The following FMN1 variants were observed in gnomAD, a reference collection of about 807,000 sequenced individuals.
FMN1 encodes formin-1.
Under a neutral mutation model 132.4 loss-of-function variants are expected in FMN1, and 110 were observed. That is an observed-to-expected ratio of 0.83 (90% CI 0.71 to 0.97). FMN1 has a LOEUF of 0.97. FMN1 is among the 50% of genes least tolerant of loss of function. The pLI is 0.00. For synonymous variants in FMN1, 722 were observed against 651.7 expected, an observed-to-expected ratio of 1.11 and a Z score of -1.64; for missense variants, 1,792 against 1,705.3, an observed-to-expected ratio of 1.05 and a Z score of -0.90.
chr15:33,017,026 T>C (rs1448629058), intron 6 of FMN1, among the ~76,000 whole-genome samples: 2 of 152,282 alleles, frequency 1.3e-5, no homozygotes, highest in Middle Eastern at 3.4e-3. Context: ...TGCAAACACA[T>C]AATGCATCTG....
Position 32,786,548 on chromosome 15 carries a change from C to T in FMN1, c.4131-9629G>A, listed in dbSNP as rs1236797112. On this transcript the variant is annotated intron_variant, in intron 19 of 20. Coordinates refer to ENST00000616417, the MANE Select transcript of FMN1 (RefSeq NM_001277313.2). ...AAGGAGTGAATATTCACTCCTTTGC[C>T]ATGATCTCCTTGCAGCTTTGAACTA... Among the ~76,000 whole-genome samples the T allele has an allele frequency of 2.6e-5, 4 of 152,132 alleles. No individual in the cohort carries two copies. In the East Asian group the frequency reaches 7.7e-4, roughly 29 times the overall value.
intron 7 of FMN1, among the ~76,000 whole-genome samples, chr15:33,004,587 G>A (rs542039958): frequency 4.7e-4 from 71 of 152,146 alleles, no homozygotes; most frequent in African/African-American, 1.6e-3. Context: ...TACACTGTTG[G>A]TGGGACTGTA....
At chr15:32,905,439 A>G (rs2141626099) in intron 12 of FMN1, among the ~76,000 whole-genome samples, 1 of 152,326 alleles carries the variant, frequency 6.6e-6, no homozygotes, top group South Asian at 2.1e-4. Context: ...GACTGTGTAT[A>G]GTGTTCTCAC....
In FMN1 at chr15:32,845,737, C is replaced by T. The variant is rs191798828; in HGVS notation, c.3928+11278G>A. On this transcript the variant is annotated intron_variant, in intron 17 of 20. Coordinates refer to ENST00000616417, the MANE Select transcript of FMN1 (RefSeq NM_001277313.2). ...CAAGTATAGCATGCTCCCCAATCAC[C>T]CCCCAACACACACACCAGAACTAAC... is the stretch of plus-strand genomic sequence containing the variant. Among the ~76,000 whole-genome samples the T allele has an allele frequency of 1.1e-3, 173 of 152,190 alleles. 1 individual carries two copies. Among genetic ancestry groups the T allele is most frequent in the South Asian group, 1.2e-3 (6 of 4,814 alleles).
intron 7 of FMN1, among the ~76,000 whole-genome samples, chr15:33,004,980 C>A (rs894732923): frequency 1.3e-5 from 2 of 151,934 alleles, no homozygotes; most frequent in African/African-American, 2.4e-5. Context: ...ATAGGTGGGA[C>A]TTGAACAATG....
intron 2 of FMN1, among the ~76,000 whole-genome samples, chr15:33,188,443 T>C (rs1470935756): frequency 6.6e-6 from 1 of 152,198 alleles, no homozygotes; most frequent in Non-Finnish European, 1.5e-5. Context: ...TTTCTATACA[T>C]AGTCTTAGAC....
At chr15:33,120,781 G>C (rs907404535) in intron 4 of FMN1, among the ~76,000 whole-genome samples, 1 of 151,804 alleles carries the variant, frequency 6.6e-6, no homozygotes, top group African/African-American at 2.4e-5. Flanking sequence ...TGCACATTTG[G>C]TTTTTTTAAT....
chr15:33,113,361 T>C (rs1031256208), intron 4 of FMN1, among the ~76,000 whole-genome samples: 5 of 152,180 alleles, frequency 3.3e-5, no homozygotes, highest in African/African-American at 9.6e-5. Flanking sequence ...TTTTAAACTA[T>C]ATAAGCTTAT....
intron 19 of FMN1, among the ~76,000 whole-genome samples, chr15:32,779,059 T>A (rs576747817): frequency 6.6e-6 from 1 of 152,228 alleles, no homozygotes; most frequent in East Asian, 1.9e-4. Flanking sequence ...AAGAAGCCAA[T>A]CACAAAAACA....
At chr15:33,120,756 C>CAAT (rs1329976126) in intron 4 of FMN1, among the ~76,000 whole-genome samples, 1 of 152,040 alleles carries the variant, frequency 6.6e-6, no homozygotes, top group African/African-American at 2.4e-5. Context: ...TTTATTCTAC[C>CAAT]TATTACCCTT....
intron 6 of FMN1, among the ~76,000 whole-genome samples, chr15:33,022,104 T>C (rs1480692763): frequency 6.6e-6 from 1 of 152,234 alleles, no homozygotes; most frequent in Non-Finnish European, 1.5e-5. Flanking sequence ...GTATAACCTA[T>C]GCATATCCTA....
intron 7 of FMN1, among the ~76,000 whole-genome samples, chr15:32,985,641 G>C (rs920094551): frequency 9.2e-5 from 14 of 152,128 alleles, no homozygotes; most frequent in African/African-American, 3.1e-4. Context: ...TCCTCAGCCA[G>C]GTCACAGCTG....
chr15:33,093,520 G>A (rs779425655), intron 4 of FMN1, among the ~76,000 whole-genome samples: 1 of 152,166 alleles, frequency 6.6e-6, no homozygotes, highest in Non-Finnish European at 1.5e-5. Context: ...CTCATGGCTG[G>A]TATCTGTCAA....
chr15:33,002,309 C>T (rs1409498425), intron 7 of FMN1, among the ~76,000 whole-genome samples: 2 of 152,106 alleles, frequency 1.3e-5, no homozygotes, highest in Non-Finnish European at 2.9e-5. Context: ...ATGATAGCTG[C>T]CAATGGAAAT....
At chr15:33,110,637 C>T (rs1566924335) in intron 4 of FMN1, among the ~76,000 whole-genome samples, 1 of 151,538 alleles carries the variant, frequency 6.6e-6, no homozygotes, top group African/African-American at 2.4e-5. Context: ...CACATTGACG[C>T]TTCTTTTTCT....
At chr15:33,145,367 C>T (rs1964174927) in intron 4 of FMN1, among the ~76,000 whole-genome samples, 1 of 151,846 alleles carries the variant, frequency 6.6e-6, no homozygotes, top group Non-Finnish European at 1.5e-5. Context: ...CCCTTTCACA[C>T]CGTGCTTCCA....
chr15:33,038,136 G>C (rs2036269113), intron 6 of FMN1, among the ~76,000 whole-genome samples: 1 of 152,238 alleles, frequency 6.6e-6, no homozygotes, highest in African/African-American at 2.4e-5. Context: ...GCTGAGGCAG[G>C]AGAATCGCTT....
At chr15:32,829,794 C>A (rs1567234500) in intron 17 of FMN1, among the ~76,000 whole-genome samples, 1 of 152,056 alleles carries the variant, frequency 6.6e-6, no homozygotes, top group Admixed American at 6.5e-5. Context: ...ATTTTGTTAC[C>A]AGCATATATA....
chr15:33,076,453 T>TC (rs1251507246), intron 5 of FMN1, among the ~76,000 whole-genome samples: 1 of 152,148 alleles, frequency 6.6e-6, no homozygotes, highest in Non-Finnish European at 1.5e-5. Flanking sequence ...TAGTTCGAAC[T>TC]CCAAAGATCC....
Sources: gnomAD v4.1 joint callset for allele counts (sites outside exome capture counted in the v4.1 genomes callset) on GRCh38, gnomAD v4.1.1 for gene constraint, MANE v1.5 for transcripts, NCBI Gene and HGNC (gene_info 2026-07-23, HGNC 2026-07-21) for gene names.